Variants in GREB1L observed in about 807,000 individuals in gnomAD.
GREB1L encodes the protein GREB1 like retinoic acid receptor coactivator.
GREB1L carries 17 observed loss-of-function variants against 200.8 expected under a neutral mutation model. That is an observed-to-expected ratio of 0.08 (90% CI 0.06 to 0.13). GREB1L has a LOEUF of 0.13. Ranked by LOEUF, GREB1L falls within the 10% of genes least tolerant of loss-of-function variation. The pLI, the probability that GREB1L is intolerant of heterozygous loss-of-function variation, is 1.00. For synonymous variants in GREB1L, 789 were observed against 893.0 expected (o/e 0.88, Z 2.08); for missense variants, 1,657 against 2,367.7 (o/e 0.70, Z 6.23).
intron 7 of GREB1L, among the ~76,000 whole-genome samples, chr18:21,426,718 G>A (rs2032608652): frequency 6.6e-6 from 1 of 152,050 alleles, no homozygotes; most frequent in Non-Finnish European, 1.5e-5. Context: ...CAGCATGTTG[G>A]GAGGCAGAGG....
At chr18:21,515,249 G>T (rs1454653775) in intron 28 of GREB1L, among the ~76,000 whole-genome samples, 168 bp from the exon 29 acceptor site, 3 of 152,140 alleles carry the variant, frequency 2.0e-5, no homozygotes, top group Non-Finnish European at 4.4e-5. Flanking sequence ...ATAGTGACAG[G>T]CAGTGTGAAA....
chr18:21,465,486 C>T lies in GREB1L; in HGVS notation c.2183-7545C>T, dbSNP rs554896810. Among the ~76,000 whole-genome samples, 7 of 152,176 alleles carry T rather than the reference C, an allele frequency of 4.6e-5. No homozygotes were observed. In the East Asian group the frequency reaches 7.7e-4, roughly 17 times the overall value. On this transcript the variant is annotated intron_variant, in intron 15 of 32. Coordinates refer to ENST00000424526, the MANE Select transcript of GREB1L (RefSeq NM_001142966.3). ...TTTAAGGGTAAAGTATTATGATATA[C>T]GTTACTTATTTCCAAATTATTTAGC...
chr18:21,428,635 CTTT>C (rs35509415), intron 7 of GREB1L, among the ~76,000 whole-genome samples: 1 of 137,534 alleles, frequency 7.3e-6, no homozygotes, highest in Admixed American at 7.3e-5. Flanking sequence ...CATATAGTCC[CTTT>C]TTTTTTTTTG....
At chr18:21,326,303 T>C (rs1209778228) in intron 1 of GREB1L, among the ~76,000 whole-genome samples, 1 of 152,168 alleles carries the variant, frequency 6.6e-6, no homozygotes. Flanking sequence ...TTGATTTTGT[T>C]AGGATTAGGT....
intron 1 of GREB1L, among the ~76,000 whole-genome samples, chr18:21,278,177 C>T (rs1265770393): frequency 1.3e-5 from 2 of 151,930 alleles, no homozygotes; most frequent in Non-Finnish European, 2.9e-5. Flanking sequence ...GTCAGGAGTT[C>T]GAGACCAGCC....
intron 1 of GREB1L, among the ~76,000 whole-genome samples, chr18:21,268,550 CACACACACACATATATATAT>C (rs1435236250): frequency 7.1e-5 from 7 of 99,172 alleles, no homozygotes; most frequent in East Asian, 5.8e-4. Context: ...CACACACACA[CACACACACACATATATATAT>C]ATATATATAT....
chr18:21,292,770 T>C (rs2038471120), intron 1 of GREB1L, among the ~76,000 whole-genome samples: 1 of 152,214 alleles, frequency 6.6e-6, no homozygotes, highest in Admixed American at 6.5e-5. Flanking sequence ...CTTCCTGCTA[T>C]GGGAAATTTT....
Position 21,513,979 on chromosome 18 carries a change from C to G in GREB1L, c.4894C>G (p.Pro1632Ala). Residue 1632 changes from proline (P) to alanine (A), a missense_variant, in exon 28 of 33, where the codon CCA (proline) becomes GCA (alanine). Pro to Ala is a conservative substitution (Grantham distance 27). Coordinates refer to ENST00000424526, the MANE Select transcript of GREB1L (RefSeq NM_001142966.3). ...ATGGAACATTCACAGTGTTCAGGAGCCATCCAGGTAGACTTCCAAGCTGGG... is the reference window on the plus strand; with the variant it reads ...ATGGAACATTCACAGTGTTCAGGAGGCATCCAGGTAGACTTCCAAGCTGGG... The part of the protein sequence containing the change: ...VLWNIHSVQE[P>A]SSQPMEVGVS... 6.4e-7 allele frequency: 1 copy of G among 1,551,308 alleles called. No homozygotes were observed. Among genetic ancestry groups the G allele is most frequent in the Non-Finnish European group, 8.7e-7 (1 of 1,146,808 alleles).
intron 1 of GREB1L, among the ~76,000 whole-genome samples, chr18:21,326,843 G>C (rs1423366723): frequency 6.6e-6 from 1 of 152,132 alleles, no homozygotes; most frequent in Non-Finnish European, 1.5e-5. Flanking sequence ...CCAGCCTGTT[G>C]TTCCCTCCTC....
intron 2 of GREB1L, 51 bp from the exon 3 acceptor site, chr18:21,383,459 C>A (rs2040406366): frequency 7.5e-7 from 1 of 1,335,712 alleles, no homozygotes; most frequent in Admixed American, 2.9e-5. Flanking sequence ...AGACATAGAA[C>A]CTCTAATTAT....
intron 18 of GREB1L, among the ~76,000 whole-genome samples, chr18:21,488,600 G>C (rs1041816244): frequency 2.6e-5 from 4 of 152,170 alleles, no homozygotes; most frequent in African/African-American, 7.2e-5. Flanking sequence ...CTCCATGAGA[G>C]CATTGGCCAA....
intron 23 of GREB1L, among the ~76,000 whole-genome samples, chr18:21,503,703 A>C (rs2036896821): frequency 6.6e-6 from 1 of 151,374 alleles, no homozygotes; most frequent in Non-Finnish European, 1.5e-5. Flanking sequence ...CAGCCTCCCA[A>C]GTAGCTGGGA....
chr18:21,429,106 TCTCC>T (rs1373942133), intron 7 of GREB1L, among the ~76,000 whole-genome samples: 3 of 141,472 alleles, frequency 2.1e-5, no homozygotes, highest in African/African-American at 8.5e-5. Context: ...CATAAACTAT[TCTCC>T]CTTCCTTCCT....
intron 5 of GREB1L, among the ~76,000 whole-genome samples, chr18:21,399,308 C>G (rs1455388221): frequency 6.6e-6 from 1 of 152,198 alleles, no homozygotes; most frequent in African/African-American, 2.4e-5. Context: ...ATGCCATAAT[C>G]AGACCAGAAT....
chr18:21,462,604 C>A (rs953470862), intron 15 of GREB1L, among the ~76,000 whole-genome samples: 1 of 152,182 alleles, frequency 6.6e-6, no homozygotes, highest in Non-Finnish European at 1.5e-5. Flanking sequence ...TACACACCAC[C>A]ACACCCAGCT....
chr18:21,251,333 T>G (rs1315050613), intron 1 of GREB1L, among the ~76,000 whole-genome samples: 3 of 152,228 alleles, frequency 2.0e-5, no homozygotes, highest in African/African-American at 7.2e-5. Flanking sequence ...TGCTATCATA[T>G]CTTTCTAATT....
intron 7 of GREB1L, among the ~76,000 whole-genome samples, chr18:21,422,168 C>G (rs1265631422): frequency 6.6e-6 from 1 of 152,106 alleles, no homozygotes; most frequent in African/African-American, 2.4e-5. Context: ...AGATGCTGAG[C>G]AAATCAGCTA....
chr18:21,266,573 G>A (rs955174205), intron 1 of GREB1L, among the ~76,000 whole-genome samples: 37 of 152,124 alleles, frequency 2.4e-4, no homozygotes, highest in African/African-American at 8.0e-4. Context: ...ACTTTTAACT[G>A]CTTTATATAT....
intron 1 of GREB1L, among the ~76,000 whole-genome samples, chr18:21,334,821 G>A (rs1460328387): frequency 6.6e-6 from 1 of 151,822 alleles, no homozygotes; most frequent in East Asian, 1.9e-4. Flanking sequence ...CTCTCTTTTA[G>A]CAGGATGAAT....
Sources: allele counts gnomAD v4.1 joint callset (sites outside exome capture counted in the v4.1 genomes callset), GRCh38; gene constraint gnomAD v4.1.1; transcripts MANE v1.5; gene names NCBI Gene and HGNC (gene_info 2026-07-23, HGNC 2026-07-21).